The following CELF2 variants were observed in gnomAD, a reference collection of about 807,000 sequenced individuals.
CELF2 encodes the protein CUGBP Elav-like family member 2, also known as CUG triplet repeat RNA-binding protein 2.
Under a neutral mutation model 62.6 loss-of-function variants are expected in CELF2, and 8 were observed. That is an observed-to-expected ratio of 0.13 (90% CI 0.07 to 0.23). The LOEUF (loss-of-function observed/expected upper bound fraction) is 0.23. Ranked by LOEUF, CELF2 falls within the 10% of genes least tolerant of loss-of-function variation. CELF2 has a pLI of 1.00. For synonymous variants in CELF2, 258 were observed against 250.0 expected, an observed-to-expected ratio of 1.03 and a Z score of -0.30; for missense variants, 333 against 671.0, an observed-to-expected ratio of 0.50 and a Z score of 5.56.
At chr10:11,067,054 C>T (rs2068367231) in intron 1 of CELF2, among the ~76,000 whole-genome samples, 2 of 152,174 alleles carry the variant, frequency 1.3e-5, no homozygotes, top group South Asian at 4.1e-4. Flanking sequence ...TCTCAATTCC[C>T]TCCATCATCC....
rs1163585375 is a variant in CELF2, at chr10:11,272,567, C to A, written c.777+1743C>A. Among the ~76,000 whole-genome samples the A allele has an allele frequency of 3.3e-5, 5 of 152,234 alleles. No homozygotes were observed. The East Asian group carries it at 9.6e-4, about 29-fold the overall frequency. On this transcript the variant is annotated intron_variant, in intron 7 of 12. Coordinates refer to ENST00000633077, the MANE Select transcript of CELF2 (RefSeq NM_001326342.2). Reference sequence around the variant, plus strand: ...CCCCACGGCTCACAGAAATCTCCGGCACATGTTTCTGGGACCACATCTGCA... The same window carrying A: ...CCCCACGGCTCACAGAAATCTCCGGAACATGTTTCTGGGACCACATCTGCA...
At chr10:10,986,977 GTA>G (rs2052835056) in intron 2 of CELF2, among the ~76,000 whole-genome samples, 4 of 152,210 alleles carry the variant, frequency 2.6e-5, no homozygotes, top group Admixed American at 2.6e-4. Flanking sequence ...CTGTACAAGT[GTA>G]TAAACTGTTT....
the CELF2 span, among the ~76,000 whole-genome samples, chr10:10,706,633 C>T: frequency 1.1e-4 from 17 of 152,254 alleles, no homozygotes; most frequent in Middle Eastern, 6.8e-3. Context: ...AAACGGACAG[C>T]AAGGGCCCAA....
chr10:10,563,437 C>G, the CELF2 span, among the ~76,000 whole-genome samples: 1 of 152,054 alleles, frequency 6.6e-6, no homozygotes, highest in Non-Finnish European at 1.5e-5. Flanking sequence ...ATGGCAAAAC[C>G]CGTCTCTACT....
At chr10:10,870,568 G>A (rs1203949525) in intron 1 of CELF2, among the ~76,000 whole-genome samples, 2 of 152,142 alleles carry the variant, frequency 1.3e-5, no homozygotes, top group Non-Finnish European at 2.9e-5. Context: ...CCAGAGTTGG[G>A]TCTTCTGATT....
chr10:10,602,208 C>T, the CELF2 span, among the ~76,000 whole-genome samples: 1 of 152,094 alleles, frequency 6.6e-6, no homozygotes, highest in Non-Finnish European at 1.5e-5. Flanking sequence ...GTGCTTGTAT[C>T]ATTTTAATAG....
intron 1 of CELF2, among the ~76,000 whole-genome samples, chr10:10,799,800 C>A (rs1307664101): frequency 6.6e-6 from 1 of 152,184 alleles, no homozygotes; most frequent in African/African-American, 2.4e-5. Context: ...AGAGTTAATT[C>A]TTGGGCTTCA....
At chr10:11,202,746 G>T (rs1442233619) in intron 2 of CELF2, among the ~76,000 whole-genome samples, 1 of 152,152 alleles carries the variant, frequency 6.6e-6, no homozygotes, top group Admixed American at 6.5e-5. Flanking sequence ...GAGACCCTTA[G>T]TGGTGGGAGA....
chr10:10,575,012 C>T, the CELF2 span, among the ~76,000 whole-genome samples: 4 of 151,974 alleles, frequency 2.6e-5, no homozygotes, highest in African/African-American at 7.2e-5. Context: ...GCCACCGCAC[C>T]TGACCTATGT....
intron 1 of CELF2, among the ~76,000 whole-genome samples, chr10:10,918,227 G>T (rs914917474): frequency 6.6e-6 from 1 of 152,192 alleles, no homozygotes; most frequent in Non-Finnish European, 1.5e-5. Flanking sequence ...GGCTAAATAG[G>T]GAGGGGTATT....
chr10:11,312,308 G>T (rs2094602493), intron 9 of CELF2, among the ~76,000 whole-genome samples: 1 of 152,172 alleles, frequency 6.6e-6, no homozygotes, highest in African/African-American at 2.4e-5. Context: ...AAATAACCCA[G>T]GTGAAAGAAG....
intron 1 of CELF2, among the ~76,000 whole-genome samples, chr10:10,850,265 A>G (rs1420612314): frequency 1.3e-5 from 2 of 152,208 alleles, no homozygotes; most frequent in East Asian, 3.8e-4. Flanking sequence ...AAATTACACA[A>G]CTAGAAAAAA....
chr10:10,494,206 G>C, the CELF2 span, among the ~76,000 whole-genome samples: 1 of 152,198 alleles, frequency 6.6e-6, no homozygotes, highest in Non-Finnish European at 1.5e-5. Flanking sequence ...TCTCTCTCCA[G>C]TTTATGATGT....
In CELF2 at chr10:10,798,747, T is replaced by A; in HGVS notation, c.-18T>A. 5 of 398,828 alleles carry A rather than the reference T, an allele frequency of 1.3e-5. No homozygotes were observed. The Admixed American group carries it at 1.8e-4, about 14-fold the overall frequency. 24.7% of individuals were successfully genotyped at this position (398,828 alleles called of 1,614,324 possible). On this transcript the variant is annotated 5_prime_UTR_variant, in exon 1 of 14. Coordinates refer to the CELF2 transcript ENST00000636488. ...CGCCTCCTCCTCTCCGGACTCGCCC[T>A]CAGCCGGCTCCTAGACAATGGTTTC...
intron 1 of CELF2, among the ~76,000 whole-genome samples, chr10:10,901,854 A>G (rs1386988650): frequency 6.6e-6 from 1 of 152,350 alleles, no homozygotes; most frequent in Non-Finnish European, 1.5e-5. Context: ...ACTTTCAACT[A>G]TAAAGAATCC....
chr10:11,097,964 A>G (rs961124847), intron 1 of CELF2: 4 of 152,464 alleles, frequency 2.6e-5, no homozygotes, highest in Admixed American at 2.0e-4. Context: ...GGAGCACTGG[A>G]TGCCACCCTG....
intron 8 of CELF2, among the ~76,000 whole-genome samples, chr10:11,277,317 G>A (rs2086508479): frequency 6.6e-6 from 1 of 152,126 alleles, no homozygotes; most frequent in South Asian, 2.1e-4. Flanking sequence ...ATGGTGAATG[G>A]GCGATAGAGG....
rs199791747 is a variant in CELF2, at chr10:11,331,604, TAAAAAAAA to T, written c.*2555_*2562del. ...GTGTTTTGTATAAATCCCTAATATT[TAAAAAAAA>T]AAACAAAACAAAAAAAGGTTACAAA... is the stretch of plus-strand genomic sequence containing the variant. On this transcript the variant is annotated 3_prime_UTR_variant, in exon 13 of 13. Coordinates refer to ENST00000633077, the MANE Select transcript of CELF2 (RefSeq NM_001326342.2). The T allele has an allele frequency of 1.4e-5, 2 of 146,120 alleles. No individual in the cohort carries two copies. 9.1% of individuals were successfully genotyped at this position (146,120 alleles called of 1,614,324 possible).
chr10:10,564,676 ACACACG>A, the CELF2 span, among the ~76,000 whole-genome samples: 10 of 135,356 alleles, frequency 7.4e-5, no homozygotes, highest in East Asian at 4.1e-4. Context: ...ACACACACGC[ACACACG>A]CACACACACA....
Sources: gnomAD v4.1 joint callset for allele counts (sites outside exome capture counted in the v4.1 genomes callset) on GRCh38, gnomAD v4.1.1 for gene constraint, MANE v1.5 for transcripts, NCBI Gene and HGNC (gene_info 2026-07-23, HGNC 2026-07-21) for gene names.